Variants in HYCC1 observed in about 807,000 individuals in gnomAD.
HYCC1 encodes hyccin.
the HYCC1 span, chr7:22,978,125 G>A: frequency 4.0e-6 from 3 of 743,900 alleles, no homozygotes; most frequent in East Asian, 5.4e-5. Flanking sequence ...CCAATCCCCA[G>A]AAAGTTATAT....
chr7:23,011,651 TG>T, the HYCC1 span, among the ~76,000 whole-genome samples: 3 of 152,196 alleles, frequency 2.0e-5, no homozygotes, highest in Non-Finnish European at 4.4e-5. Context: ...TATCTTCATC[TG>T]GCACCATTTC....
the HYCC1 span, among the ~76,000 whole-genome samples, chr7:22,974,160 G>T: frequency 2.0e-5 from 3 of 152,154 alleles, no homozygotes; most frequent in African/African-American, 4.8e-5. Context: ...CATTTTAGTC[G>T]ATAACAGAGT....
chr7:22,905,386 A>ATTTTTTTTTTTTTTTTTTTTT, the HYCC1 span, among the ~76,000 whole-genome samples: 49 of 44,468 alleles, frequency 1.1e-3, 3 homozygotes, highest in East Asian at 5.0e-3. Flanking sequence ...CTAATTTTGT[A>ATTTTTTTTTTTTTTTTTTTTT]TTTTTTTTTT....
chr7:22,938,967 CGTAA>C, the HYCC1 span: 2 of 152,126 alleles, frequency 1.3e-5, no homozygotes, highest in African/African-American at 2.4e-5. Flanking sequence ...TACTAGCAAA[CGTAA>C]GTGTGTATTA....
the HYCC1 span, among the ~76,000 whole-genome samples, chr7:22,927,265 T>G: frequency 2.6e-5 from 4 of 151,640 alleles, no homozygotes; most frequent in African/African-American, 9.7e-5. Flanking sequence ...ACATCACAAT[T>G]AAAAGAACTA....
At chr7:22,910,081 T>C in the HYCC1 span, among the ~76,000 whole-genome samples, 1 of 152,242 alleles carries the variant, frequency 6.6e-6, no homozygotes, top group Non-Finnish European at 1.5e-5. Flanking sequence ...GACAAATATG[T>C]AAGGCTATTA....
chr7:22,976,382 C>G, the HYCC1 span: 1 of 986,640 alleles, frequency 1.0e-6, no homozygotes, highest in East Asian at 2.5e-5. Context: ...GAGAGCACTC[C>G]TTGGGGAGAG....
chr7:22,984,462 G>A, the HYCC1 span, among the ~76,000 whole-genome samples: 6 of 152,278 alleles, frequency 3.9e-5, no homozygotes, highest in East Asian at 7.7e-4. Context: ...TCTCATGCCT[G>A]TAATCCTAGC....
chr7:22,900,311 TTTAC>T, the HYCC1 span, among the ~76,000 whole-genome samples: 1 of 152,238 alleles, frequency 6.6e-6, no homozygotes, highest in African/African-American at 2.4e-5. Flanking sequence ...CTGACCGCTG[TTTAC>T]TTTGTATTCA....
chr7:22,984,462 G>T, the HYCC1 span, among the ~76,000 whole-genome samples: 1 of 152,162 alleles, frequency 6.6e-6, no homozygotes, highest in Non-Finnish European at 1.5e-5. Flanking sequence ...TCTCATGCCT[G>T]TAATCCTAGC....
the HYCC1 span, among the ~76,000 whole-genome samples, chr7:22,928,073 A>G: frequency 1.3e-5 from 2 of 152,250 alleles, no homozygotes; most frequent in Non-Finnish European, 2.9e-5. Flanking sequence ...AAACAGAACC[A>G]AAGACAAAAA....
At chr7:22,957,917 C>T in the HYCC1 span, among the ~76,000 whole-genome samples, 10 of 151,530 alleles carry the variant, frequency 6.6e-5, 1 homozygote, top group East Asian at 1.9e-3. Flanking sequence ...AATGTATAAA[C>T]AAATTTTGTT....
the HYCC1 span, among the ~76,000 whole-genome samples, chr7:22,991,522 T>A: frequency 6.6e-6 from 1 of 152,148 alleles, no homozygotes; most frequent in East Asian, 1.9e-4. Flanking sequence ...AAAATTGACT[T>A]TATAGAAAGC....
At chr7:22,898,245 ACT>A in the HYCC1 span, among the ~76,000 whole-genome samples, 2 of 148,428 alleles carry the variant, frequency 1.3e-5, no homozygotes, top group South Asian at 4.3e-4. Context: ...ACAGAGTCTC[ACT>A]CTGTCACCCA....
At chr7:22,925,863 T>G in the HYCC1 span, among the ~76,000 whole-genome samples, 2 of 151,702 alleles carry the variant, frequency 1.3e-5, no homozygotes, top group Non-Finnish European at 2.9e-5. Flanking sequence ...GAAGAACAAC[T>G]CCAAGACACA....
chr7:22,902,405 T>G, the HYCC1 span, among the ~76,000 whole-genome samples: 1 of 150,570 alleles, frequency 6.6e-6, no homozygotes, highest in East Asian at 1.9e-4. Flanking sequence ...ATAAAATTAA[T>G]TACAACAAAA....
At chr7:22,934,680 G>A in the HYCC1 span, 2 of 152,292 alleles carry the variant, frequency 1.3e-5, no homozygotes, top group African/African-American at 4.8e-5. Context: ...AGGACATGGG[G>A]TGAAGTCCAG....
chr7:22,941,264 T>C, the HYCC1 span: 1 of 152,034 alleles, frequency 6.6e-6, no homozygotes, highest in Non-Finnish European at 1.5e-5. Flanking sequence ...AAAAATATTT[T>C]TTTCAGTTTT....
chr7:23,006,913 C>G, the HYCC1 span, among the ~76,000 whole-genome samples: 1 of 152,192 alleles, frequency 6.6e-6, no homozygotes, highest in Non-Finnish European at 1.5e-5. Flanking sequence ...TTCCAAAACT[C>G]TTTGATCTCT....
Sources: gnomAD v4.1 joint callset for allele counts (sites outside exome capture counted in the v4.1 genomes callset) on GRCh38, gnomAD v4.1.1 for gene constraint, MANE v1.5 for transcripts, NCBI Gene and HGNC (gene_info 2026-07-23, HGNC 2026-07-21) for gene names.